Variants in MATR3 observed in about 807,000 individuals in gnomAD.
MATR3 encodes the protein matrin 3.
In MATR3, 4 loss-of-function variants were observed where a neutral mutation model predicts 85.5. The observed-to-expected ratio is 0.05, with a 90% confidence interval of 0.02 to 0.11. MATR3 has a LOEUF of 0.11. Among genes scored for constraint, MATR3 ranks in the 10% least tolerant of loss-of-function variants. The probability of loss-of-function intolerance (pLI) is 1.00; values close to 1 mark genes in which losing one functional copy is unlikely to be tolerated. For synonymous variants in MATR3, 336 were observed against 343.1 expected, an observed-to-expected ratio of 0.98 and a Z score of 0.23; for missense variants, 685 against 1,016.1, an observed-to-expected ratio of 0.67 and a Z score of 4.43.
intron 3 of MATR3, among the ~76,000 whole-genome samples, chr5:139,284,111 CTCTG>C (rs1462381359): frequency 6.6e-6 from 1 of 152,214 alleles, no homozygotes; most frequent in Non-Finnish European, 1.5e-5. Flanking sequence ...ATAATAACCT[CTCTG>C]TCATAATGTA....
Position 139,330,489 on chromosome 5 carries a change from C to G in MATR3, c.*1094C>G. The G allele has an allele frequency of 2.2e-6, 1 of 454,222 alleles. No individual in the cohort carries two copies. The highest frequency in any genetic ancestry group is 1.6e-5 in the South Asian group (1 of 64,474). The allele number at this position is 454,222 out of a possible 1,614,324, so 28.1% of individuals were successfully genotyped here. On this transcript the variant is annotated 3_prime_UTR_variant, in exon 15 of 15. Transcript: ENST00000394805. ...TATTCGCTCTTAAACTTTGTGCATG[C>G]TTTAACAATTTATTACTTTTAAATC...
intron 2 of MATR3, among the ~76,000 whole-genome samples, chr5:139,278,022 G>A (rs976887706): frequency 6.6e-6 from 1 of 151,868 alleles, no homozygotes; most frequent in African/African-American, 2.4e-5. Flanking sequence ...TTGAACCCAG[G>A]AGTTTGAGAC....
chr5:139,294,432 T>G, intron 1 of MATR3: 1 of 160,728 alleles, frequency 6.2e-6, no homozygotes. Context: ...CGCCGCTCCT[T>G]GCCCATCGCC....
rs1410961276 is a variant in MATR3 at position 139,308,148 on chromosome 5, A to G, written c.733A>G (p.Lys245Glu). 2 of 1,614,076 alleles carry G rather than the reference A, an allele frequency of 1.2e-6. No homozygotes were observed. The highest frequency in any genetic ancestry group is 1.7e-6 in the Non-Finnish European group (2 of 1,179,990). ...FFGETSHNYH[K>E]FDSEYERMGR... ...TGGTGAGACCTCGCATAACTATCATAAATTTGACAGTGAGTATGAGAGAAT... is the reference window on the plus strand; with the variant it reads ...TGGTGAGACCTCGCATAACTATCATGAATTTGACAGTGAGTATGAGAGAAT... The change falls in exon 2 of 15, where the codon AAA becomes GAA. Residue 245 changes from lysine (K) to glutamate (E), a missense_variant. Lys to Glu is a moderately conservative substitution (Grantham distance 56). Around this residue, in one of 9 missense-constraint regions of MATR3, gnomAD observed 223 missense variants for 334.4 expected, o/e 0.67. Transcript: ENST00000394805.
At chr5:139,295,014 T>C (rs918909827) in intron 1 of MATR3, 1 of 152,172 alleles carries the variant, frequency 6.6e-6, no homozygotes, top group Admixed American at 6.5e-5. Context: ...GTCACGAGAT[T>C]TTGTATTGGT....
Position 139,331,344 on chromosome 5 carries a change from T to C in MATR3, c.*1949T>C. On this transcript the variant is annotated 3_prime_UTR_variant, in exon 15 of 15. Coordinates refer to ENST00000394805, the MANE Select transcript of MATR3 (RefSeq NM_018834.6). ...ATTCCAATTTTTAACAGCAGGTACA[T>C]AAAGCATTATGTGCACAATGGAGTT... 2.2e-6 allele frequency: 1 copy of C among 454,154 alleles called. No individual in the cohort carries two copies. The highest frequency in any genetic ancestry group is 4.4e-6 in the Non-Finnish European group (1 of 226,798). 28.1% of individuals were successfully genotyped at this position (454,154 alleles called of 1,614,324 possible).
chr5:139,330,867 C>G lies in MATR3; in HGVS notation c.*1472C>G. On this transcript the variant is annotated 3_prime_UTR_variant, in exon 15 of 15. Transcript: ENST00000394805. ...GACTGGAGTGCAGTGGCACAGTTCT[C>G]TGCAACCTCAGCCTTTGGGCTCAAA... 2 of 453,834 alleles carry G rather than the reference C, an allele frequency of 4.4e-6. No individual in the cohort carries two copies. The highest frequency in any genetic ancestry group is 8.8e-6 in the Non-Finnish European group (2 of 226,694). 28.1% of individuals were successfully genotyped at this position (453,834 alleles called of 1,614,324 possible). A position where few individuals can be genotyped will look rare whatever the true frequency, so the allele number is the denominator to read the frequency against.
At chr5:139,322,086 A>G in intron 10 of MATR3, 57 bp downstream of exon 10, 1 of 1,562,684 alleles carries the variant, frequency 6.4e-7, no homozygotes, top group Non-Finnish European at 8.8e-7. Context: ...ATTTAAAGCC[A>G]CAACATTCTT....
At position 139,307,169 on chromosome 5, in the gene MATR3, G is replaced by GC; in HGVS notation, c.-177-70_-177-69insC. 3 of 1,065,846 alleles carry GC rather than the reference G, an allele frequency of 2.8e-6. No individual in the cohort carries two copies. The highest frequency in any genetic ancestry group is 3.5e-6 in the Non-Finnish European group (3 of 853,996). The allele number at this position is 1,065,846 out of a possible 1,614,324, so 66.0% of individuals were successfully genotyped here. A position where few individuals can be genotyped will look rare whatever the true frequency, so the allele number is the denominator to read the frequency against. ...TTTTTTAAATCAACATGATGCATAA[G>GC]TTTTTTTTTCTTAAAAAAACGGCAT... On this transcript the variant is annotated intron_variant, in intron 1 of 14. Transcript: ENST00000394805. The surrounding 1 kb of genome is among the most constrained non-coding windows in gnomAD (Gnocchi z 4.4).
At chr5:139,302,312 A>C (rs1358059383) in intron 1 of MATR3, among the ~76,000 whole-genome samples, 1 of 152,198 alleles carries the variant, frequency 6.6e-6, no homozygotes, top group Non-Finnish European at 1.5e-5. Flanking sequence ...CTGAGATGAG[A>C]TTGTGACACT....
In MATR3 at chr5:139,325,467, G is replaced by C; in HGVS notation, c.2176G>C (p.Glu726Gln). 1 of 1,614,182 alleles carries C rather than the reference G, an allele frequency of 6.2e-7. No individual in the cohort carries two copies. Among genetic ancestry groups the C allele is most frequent in the Non-Finnish European group, 8.5e-7 (1 of 1,180,040 alleles). Reference sequence around the variant, plus strand: ...GGACAAGATCGAGGAACTTGATCAAGAAAACGAAGCAGCGTTGGAAAATGG... The same window carrying C: ...GGACAAGATCGAGGAACTTGATCAACAAAACGAAGCAGCGTTGGAAAATGG... ...KVDKIEELDQ[E>Q]NEAALENGIK... Residue 726 changes from glutamate to glutamine, a missense_variant, in exon 13 of 15, where the codon GAA (glutamate) becomes CAA (glutamine). Glu to Gln is a conservative substitution (Grantham distance 29). Coordinates refer to ENST00000394805, the MANE Select transcript of MATR3 (RefSeq NM_018834.6).
In MATR3 at chr5:139,318,196, C is replaced by T. The variant is rs560740359; in HGVS notation, c.1308+475C>T. 5.3e-5 allele frequency among the ~76,000 whole-genome samples: 8 copies of T among 151,464 alleles called. No individual in the cohort carries two copies. The South Asian group carries it at 1.3e-3, about 24-fold the overall frequency. On this transcript the variant is annotated intron_variant, in intron 7 of 14. Transcript: ENST00000394805. Reference sequence around the variant, plus strand: ...TCACCCAGGCTGGAGTGCAGTGGCGCGATCTCAGCTCACTGCAACCTTCGC... The same window carrying T: ...TCACCCAGGCTGGAGTGCAGTGGCGTGATCTCAGCTCACTGCAACCTTCGC...
rs200555412 is a variant in MATR3 at position 139,315,673 on chromosome 5, G to A, written c.975-24G>A. 263 of 1,566,622 alleles carry A rather than the reference G, an allele frequency of 1.7e-4. 1 individual carries two copies. The highest frequency in any genetic ancestry group is 2.1e-5 in the Non-Finnish European group (24 of 1,137,214). ...GTGAAAAGGACAGTTTTATTTTAAA[G>A]TTAATTTTCTGGTCTTTTTAAAGCT... is the stretch of plus-strand genomic sequence containing the variant. On this transcript the variant is annotated intron_variant, in intron 3 of 14. Coordinates refer to ENST00000394805, the MANE Select transcript of MATR3 (RefSeq NM_018834.6).
At chr5:139,281,000 T>A (rs1037950284) in intron 3 of MATR3, among the ~76,000 whole-genome samples, 1 of 151,942 alleles carries the variant, frequency 6.6e-6, no homozygotes, top group African/African-American at 2.4e-5. Flanking sequence ...CTGGTGAGTC[T>A]AAGAAGATTA....
At chr5:139,284,580 C>A (rs1397747791) in intron 3 of MATR3, among the ~76,000 whole-genome samples, 7 of 151,774 alleles carry the variant, frequency 4.6e-5, no homozygotes, top group African/African-American at 1.7e-4. Flanking sequence ...TGCACTCCAG[C>A]CTGGGTGACA....
At chr5:139,306,985 A>T (rs1026139383) in intron 1 of MATR3, among the ~76,000 whole-genome samples, 1 of 152,156 alleles carries the variant, frequency 6.6e-6, no homozygotes, top group African/African-American at 2.4e-5. Flanking sequence ...TAACCTTTCA[A>T]TTTACATGTT....
intron 6 of MATR3, 56 bp from the exon 7 acceptor site, chr5:139,317,538 TGG>T: frequency 6.5e-7 from 1 of 1,547,984 alleles, no homozygotes. Flanking sequence ...AATGCGTAAT[TGG>T]TTTCATATTG....
rs780842771 is a variant in MATR3, at chr5:139,329,337, C to A, written c.2494-8C>A. On this transcript the variant is annotated splice_region_variant and splice_polypyrimidine_tract_variant and intron_variant, in intron 14 of 14. Coordinates refer to ENST00000394805, the MANE Select transcript of MATR3 (RefSeq NM_018834.6). ...TGACTTAATGGCTGTAATTCTCTTT[C>A]TTTATAGAAATTTCTGAATAAATTG... 1.9e-6 allele frequency: 3 copies of A among 1,559,620 alleles called. No homozygotes were observed. The highest frequency in any genetic ancestry group is 2.6e-6 in the Non-Finnish European group (3 of 1,136,212).
Position 139,308,165 on chromosome 5 carries a change from T to C in MATR3, c.750T>C (p.Tyr250=), listed in dbSNP as rs747915569. 1 of 1,614,116 alleles carries C rather than the reference T, an allele frequency of 6.2e-7. No homozygotes were observed. The highest frequency in any genetic ancestry group is 8.5e-7 in the Non-Finnish European group (1 of 1,180,010). The change falls in exon 2 of 15, where the codon TAT becomes TAC. Residue 250 remains tyrosine, a synonymous_variant. Coordinates refer to ENST00000394805, the MANE Select transcript of MATR3 (RefSeq NM_018834.6). ...ACTATCATAAATTTGACAGTGAGTA[T>C]GAGAGAATGGGACGTGGTCCTGGCC... ...SHNYHKFDSE[Y]ERMGRGPGPL...
Sources: gnomAD v4.1 joint callset for allele counts (sites outside exome capture counted in the v4.1 genomes callset) on GRCh38, gnomAD v4.1.1 for gene constraint, gnomAD v4.1.1 regional missense constraint, Gnocchi (gnomAD v3.1) non-coding constraint, MANE v1.5 for transcripts, NCBI Gene and HGNC (gene_info 2026-07-23, HGNC 2026-07-21) for gene names.